Variants in SPINT1 observed in about 807,000 individuals in gnomAD.
SPINT1 encodes serine peptidase inhibitor, Kunitz type 1.
SPINT1 carries 38 observed loss-of-function variants against 53.7 expected under a neutral mutation model. The observed-to-expected ratio is 0.71, with a 90% CI of 0.55 to 0.93. SPINT1 has a LOEUF of 0.93. Ranked by LOEUF, SPINT1 falls within the 40% of genes least tolerant of loss-of-function variation. The pLI is 0.00. For missense variants in SPINT1, 645 were observed against 692.9 expected (o/e 0.93, Z 0.78); for synonymous variants, 283 against 280.6 (o/e 1.01, Z -0.08).
In SPINT1 at chr15:40,845,029, G is replaced by A. The variant is rs905116590; in HGVS notation, c.475G>A (p.Gly159Arg). 49 of 1,598,530 alleles carry A rather than the reference G, an allele frequency of 3.1e-5. No individual in the cohort carries two copies. The highest frequency in any genetic ancestry group is 4.1e-5 in the Non-Finnish European group (48 of 1,172,178). Residue 159 changes from glycine (G) to arginine (R), a missense_variant and splice_region_variant, in exon 2 of 11, where the codon GGG becomes AGG. Coordinates refer to ENST00000562057, the MANE Select transcript of SPINT1 (RefSeq NM_003710.4). Reference protein sequence around the residue: ...YRQLRTQGFGGSGIPKAWAGI... With the variant: ...YRQLRTQGFGRSGIPKAWAGI... ...CCAGCTGCGGACCCAGGGCTTTGGA[G>A]GTGAGGAGGGTGCCAAGATGGATGG...
chr15:40,844,135 A>C lies in SPINT1; in HGVS notation c.-117A>C. 2.3e-6 allele frequency: 1 copy of C among 438,172 alleles called. No homozygotes were observed. The highest frequency in any genetic ancestry group is 4.5e-6 in the Non-Finnish European group (1 of 222,246). 27.1% of individuals were successfully genotyped at this position (438,172 alleles called of 1,614,324 possible). A position where few individuals can be genotyped will look rare whatever the true frequency, so the allele number is the denominator to read the frequency against. On this transcript the variant is annotated 5_prime_UTR_variant, in exon 1 of 11. Transcript: ENST00000562057. The surrounding 1 kb of genome is among the most constrained non-coding windows in gnomAD (Gnocchi z 5.8). Reference sequence around the variant, plus strand: ...AAGCCGCGACCCGAGCCGCGCAGGAAGCTGGGACCGGAACCTCGGCGGACC... The same window carrying C: ...AAGCCGCGACCCGAGCCGCGCAGGACGCTGGGACCGGAACCTCGGCGGACC...
intron 2 of SPINT1, among the ~76,000 whole-genome samples, chr15:40,849,259 AAG>A (rs1267667235): frequency 5.7e-4 from 86 of 151,356 alleles, no homozygotes; most frequent in African/African-American, 2.0e-3. Context: ...AAAAAAAAAA[AAG>A]AGAGAAATGG....
At position 40,853,167 on chromosome 15, in the gene SPINT1, A is replaced by G. The variant is rs763467419; in HGVS notation, c.519A>G (p.Val173=). 7 of 1,614,124 alleles carry G rather than the reference A, an allele frequency of 4.3e-6. No homozygotes were observed. The highest frequency in any genetic ancestry group is 1.7e-5 in the Admixed American group (1 of 60,018). ...PKAWAGIDLK[V]QPQEPLVLKD... is the part of the protein sequence containing the mutation. ...CCTGGGCAGGCATAGACTTGAAGGT[A>G]CAACCCCAGGAACCCCTGGTGCTGA... Residue 173 remains valine, a synonymous_variant, in exon 3 of 11, where the codon GTA becomes GTG. Coordinates refer to ENST00000562057, the MANE Select transcript of SPINT1 (RefSeq NM_003710.4).
rs750456267 is a variant in SPINT1 at position 40,855,906 on chromosome 15, C to T, written c.1132C>T (p.Leu378=). Residue 378 remains leucine (L), a synonymous_variant, in exon 9 of 11, where the codon CTG becomes TTG. Transcript: ENST00000562057. Reference sequence around the variant, plus strand: ...ATACCCCCCAGGGCACTGCGTGGACCTGCCAGACACAGGACTCTGCAAGGA... The same window carrying T: ...ATACCCCCCAGGGCACTGCGTGGACTTGCCAGACACAGGACTCTGCAAGGA... ...FPSDKGHCVD[L]PDTGLCKESI... 6 of 1,614,130 alleles carry T rather than the reference C, an allele frequency of 3.7e-6. No individual in the cohort carries two copies. In the East Asian group the frequency reaches 1.3e-4, roughly 36 times the overall value.
In SPINT1 at chr15:40,844,801, CGGG is replaced by C; in HGVS notation, c.249_251del (p.Gly84del). On this transcript the variant is annotated inframe_deletion, in exon 2 of 11. Transcript: ENST00000562057. The surrounding 1 kb of genome is among the most constrained non-coding windows in gnomAD (Gnocchi z 5.8). Reference sequence around the variant, plus strand: ...CTTCCTGGAGTCCCCCACCGTGCGCCGGGGCTGGGACTGCGTGCGCGCCTGCTG... The same window carrying C: ...CTTCCTGGAGTCCCCCACCGTGCGCCGCTGGGACTGCGTGCGCGCCTGCTG... 1 of 1,613,312 alleles carries C rather than the reference CGGG, an allele frequency of 6.2e-7. No individual in the cohort carries two copies. Among genetic ancestry groups the C allele is most frequent in the Middle Eastern group, 1.7e-4 (1 of 6,060 alleles).
intron 2 of SPINT1, among the ~76,000 whole-genome samples, chr15:40,847,510 A>G (rs1035439755): frequency 6.6e-6 from 1 of 152,142 alleles, no homozygotes. Flanking sequence ...GAGGCGGAGC[A>G]GCTTGCACTT....
Position 40,854,400 on chromosome 15 carries a change from G to T in SPINT1, c.944G>T (p.Cys315Phe). The T allele has an allele frequency of 6.3e-7, 1 of 1,591,672 alleles. No individual in the cohort carries two copies. Reference protein sequence around the residue: ...GPSMERRHPVCSGTCQPTQFR... With the variant: ...GPSMERRHPVFSGTCQPTQFR... Reference sequence around the variant, plus strand: ...GACCTCCCTTCCACCCGTCCAGTGTGCTCTGGCACCTGTCAGCCCACCCAG... The same window carrying T: ...GACCTCCCTTCCACCCGTCCAGTGTTCTCTGGCACCTGTCAGCCCACCCAG... The change falls in exon 7 of 11, where the codon TGC (cysteine) becomes TTC (phenylalanine). Residue 315 changes from cysteine to phenylalanine, a missense_variant. Coordinates refer to ENST00000562057, the MANE Select transcript of SPINT1 (RefSeq NM_003710.4).
At position 40,856,941 on chromosome 15, in the gene SPINT1, A is replaced by T; in HGVS notation, c.1508A>T (p.His503Leu). 6.2e-7 allele frequency: 1 copy of T among 1,614,038 alleles called. No homozygotes were observed. Among genetic ancestry groups the T allele is most frequent in the East Asian group, 2.2e-5 (1 of 44,880 alleles). Residue 503 changes from histidine (H) to leucine (L), a missense_variant, in exon 11 of 11, where the codon CAC becomes CTC. Physicochemically the swap from His to Leu is moderately conservative, Grantham distance 99 (BLOSUM62 -3). Transcript: ENST00000562057. ...GTCTCCACTACCGAGGACACGGAGCACCTGGTCTATAACCACACCACGCGG... is the reference window on the plus strand; with the variant it reads ...GTCTCCACTACCGAGGACACGGAGCTCCTGGTCTATAACCACACCACGCGG... Reference protein sequence around the residue: ...STVSTTEDTEHLVYNHTTRPL With the variant: ...STVSTTEDTELLVYNHTTRPL
At position 40,854,411 on chromosome 15, in the gene SPINT1, T is replaced by TGTCAGCCCACCC. The variant is rs1891566377; in HGVS notation, c.956_967dup (p.Thr322_Gln323insArgGlnProThr). 17 of 1,601,756 alleles carry TGTCAGCCCACCC rather than the reference T, an allele frequency of 1.1e-5. No homozygotes were observed. The highest frequency in any genetic ancestry group is 1.4e-5 in the Non-Finnish European group (17 of 1,174,084). On this transcript the variant is annotated inframe_insertion, in exon 7 of 11. Coordinates refer to ENST00000562057, the MANE Select transcript of SPINT1 (RefSeq NM_003710.4). Reference sequence around the variant, plus strand: ...CACCCGTCCAGTGTGCTCTGGCACCTGTCAGCCCACCCAGTTCCGCTGCAG... The same window carrying TGTCAGCCCACCC: ...CACCCGTCCAGTGTGCTCTGGCACCTGTCAGCCCACCCGTCAGCCCACCCAGTTCCGCTGCAG...
Position 40,844,206 on chromosome 15 carries a change from G to A in SPINT1, c.-66+20G>A. ...GCGCAGGTAACCCGGGCCCCCGCGC[G>A]CAAGGCCGAGGCGCAGGCGGAGCGG... On this transcript the variant is annotated intron_variant, in intron 1 of 10. Coordinates refer to ENST00000562057, the MANE Select transcript of SPINT1 (RefSeq NM_003710.4). The surrounding 1 kb of genome is among the most constrained non-coding windows in gnomAD (Gnocchi z 5.8). 2.5e-6 allele frequency: 1 copy of A among 405,296 alleles called. No individual in the cohort carries two copies. Among genetic ancestry groups the A allele is most frequent in the Non-Finnish European group, 4.6e-6 (1 of 216,772 alleles). The allele number at this position is 405,296 out of a possible 1,614,324, so 25.1% of individuals were successfully genotyped here.
chr15:40,856,153 C>A, intron 9 of SPINT1, 91 bp downstream of exon 9: 1 of 1,591,920 alleles, frequency 6.3e-7, no homozygotes, highest in Non-Finnish European at 8.6e-7. Context: ...AGTCACCCCT[C>A]CATCCTCAGA....
rs142099552 is a variant in SPINT1, at chr15:40,844,566, G to A, written c.12G>A (p.Ala4=). 6.2e-7 allele frequency: 1 copy of A among 1,610,344 alleles called. No individual in the cohort carries two copies. Among genetic ancestry groups the A allele is most frequent in the South Asian group, 1.1e-5 (1 of 90,990 alleles). MAP[A]RTMARARLAP... The stretch of plus-strand genomic sequence containing the variant: ...TGGGGAGGAAGGCGATGGCCCCTGC[G>A]AGGACGATGGCCCGCGCCCGCCTCG... Residue 4 remains alanine, a synonymous_variant, in exon 2 of 11, where the codon GCG becomes GCA. Coordinates refer to ENST00000562057, the MANE Select transcript of SPINT1 (RefSeq NM_003710.4). The surrounding 1 kb of genome is among the most constrained non-coding windows in gnomAD (Gnocchi z 5.8).
intron 9 of SPINT1, 104 bp downstream of exon 9, chr15:40,856,166 G>C (rs111363328): frequency 6.3e-6 from 10 of 1,591,076 alleles, no homozygotes; most frequent in Middle Eastern, 3.5e-4. Context: ...TCCTCAGAGC[G>C]CCTGGAGTAG....
At chr15:40,849,999 G>A (rs1018424054) in intron 2 of SPINT1, among the ~76,000 whole-genome samples, 3 of 152,202 alleles carry the variant, frequency 2.0e-5, no homozygotes, top group African/African-American at 7.2e-5. Context: ...TGTTCCAATC[G>A]ATGGACACAA....
At position 40,855,938 on chromosome 15, in the gene SPINT1, C is replaced by T. The variant is rs746313007; in HGVS notation, c.1164C>T (p.Ile388=). The change falls in exon 9 of 11, where the codon ATC becomes ATT. Residue 388 remains isoleucine, a synonymous_variant. Coordinates refer to ENST00000562057, the MANE Select transcript of SPINT1 (RefSeq NM_003710.4). The stretch of plus-strand genomic sequence containing the variant: ...ACACAGGACTCTGCAAGGAGAGCAT[C>T]CCGCGCTGGTACTACAACCCCTTCA... ...LPDTGLCKES[I]PRWYYNPFSE... 1.2e-4 allele frequency: 197 copies of T among 1,614,110 alleles called. No homozygotes were observed. The highest frequency in any genetic ancestry group is 1.7e-4 in the Non-Finnish European group (196 of 1,180,046).
At chr15:40,856,389 C>A in intron 10 of SPINT1, 66 bp downstream of exon 10, 1 of 1,590,708 alleles carries the variant, frequency 6.3e-7, no homozygotes, top group Non-Finnish European at 8.6e-7. Context: ...TCAACTCCAC[C>A]TGTTGTGACA....
At chr15:40,845,129 G>T in intron 2 of SPINT1, 100 bp downstream of exon 2, 2 of 966,728 alleles carry the variant, frequency 2.1e-6, no homozygotes, top group South Asian at 1.8e-5. Context: ...GTTAAGGAGA[G>T]TTCACTTTTT....
At chr15:40,846,009 G>C (rs1891284360) in intron 2 of SPINT1, among the ~76,000 whole-genome samples, 1 of 152,232 alleles carries the variant, frequency 6.6e-6, no homozygotes, top group South Asian at 2.1e-4. Context: ...CAGAAGCCTA[G>C]AGGCTCTGGG....
intron 7 of SPINT1, 47 bp from the exon 8 acceptor site, chr15:40,854,592 T>TG (rs1299979117): frequency 6.2e-7 from 1 of 1,614,204 alleles, no homozygotes; most frequent in Admixed American, 1.7e-5. Context: ...CCTGAACCCC[T>TG]GGGAGACCCT....
Sources: gnomAD v4.1 joint callset for allele counts (sites outside exome capture counted in the v4.1 genomes callset) on GRCh38, gnomAD v4.1.1 for gene constraint, Gnocchi (gnomAD v3.1) non-coding constraint, MANE v1.5 for transcripts, NCBI Gene and HGNC (gene_info 2026-07-23, HGNC 2026-07-21) for gene names.